Variants in STK33 observed in about 807,000 individuals in gnomAD.
STK33 encodes the protein serine/threonine-protein kinase 33.
STK33 carries 52 observed loss-of-function variants against 58.0 expected under a neutral mutation model. The observed-to-expected ratio is 0.90, with a 90% CI of 0.72 to 1.13. The LOEUF (loss-of-function observed/expected upper bound fraction) is 1.13, where lower values mean the gene tolerates loss of function less well. STK33 is among the 50% of genes most tolerant of loss of function. The pLI is 0.00. For missense variants in STK33, 630 were observed against 604.2 expected, an observed-to-expected ratio of 1.04 and a Z score of -0.45; for synonymous variants, 215 against 200.1, an observed-to-expected ratio of 1.07 and a Z score of -0.63.
chr11:8,384,615 A>G, the STK33 span, among the ~76,000 whole-genome samples: 11 of 152,200 alleles, frequency 7.2e-5, no homozygotes, highest in Admixed American at 5.9e-4. Context: ...AGAAATAGTG[A>G]AAGTATTAAA....
chr11:8,369,015 G>T, the STK33 span, among the ~76,000 whole-genome samples: 1 of 152,182 alleles, frequency 6.6e-6, no homozygotes, highest in Admixed American at 6.5e-5. Context: ...AGGGGACAGA[G>T]AGAGCTACTG....
intron 1 of STK33, among the ~76,000 whole-genome samples, chr11:8,542,433 G>C (rs140402536): frequency 1.3e-5 from 2 of 152,332 alleles, no homozygotes; most frequent in East Asian, 3.9e-4. Context: ...CTCAACGGAA[G>C]TGATTTTGCC....
chr11:8,342,139 C>A, the STK33 span, among the ~76,000 whole-genome samples: 12,648 of 152,202 alleles, frequency 0.083, 624 homozygotes, highest in African/African-American at 0.13. Flanking sequence ...GGACACCTTG[C>A]AGGTGGGGAG....
intron 1 of STK33, among the ~76,000 whole-genome samples, chr11:8,498,487 C>A (rs1356341580): frequency 6.6e-6 from 1 of 152,100 alleles, no homozygotes; most frequent in Non-Finnish European, 1.5e-5. Flanking sequence ...TAGGAAGAAT[C>A]AATATCATGA....
At chr11:8,343,584 C>T in the STK33 span, among the ~76,000 whole-genome samples, 1 of 152,166 alleles carries the variant, frequency 6.6e-6, no homozygotes, top group Non-Finnish European at 1.5e-5. Context: ...ACTGGGTGCC[C>T]GCAAGGCACT....
intron 1 of STK33, among the ~76,000 whole-genome samples, chr11:8,588,043 A>G (rs2031995926): frequency 1.3e-5 from 2 of 152,204 alleles, no homozygotes; most frequent in Admixed American, 1.3e-4. Context: ...CCTAGTTTGC[A>G]GATGGCCATC....
At chr11:8,565,972 C>G (rs1957420826) in intron 1 of STK33, 1 of 152,212 alleles carries the variant, frequency 6.6e-6, no homozygotes, top group African/African-American at 2.4e-5. Context: ...TGTGACAAAT[C>G]TGAAGTCAAG....
intron 14 of STK33, among the ~76,000 whole-genome samples, chr11:8,422,490 T>C (rs1309641484): frequency 6.6e-6 from 1 of 152,050 alleles, no homozygotes; most frequent in Non-Finnish European, 1.5e-5. Flanking sequence ...ATTAGGAAAA[T>C]TTTTCTCTTT....
At chr11:8,582,480 A>G (rs1293669679) in intron 1 of STK33, among the ~76,000 whole-genome samples, 1 of 152,192 alleles carries the variant, frequency 6.6e-6, no homozygotes, top group Non-Finnish European at 1.5e-5. Context: ...GGAAGCAGAC[A>G]CTTTCTTCAC....
At position 8,521,791 on chromosome 11, in the gene STK33, AC is replaced by A. The variant is rs532203694; in HGVS notation, c.-465-41178del. Among the ~76,000 whole-genome samples the A allele has an allele frequency of 3.0e-3, 455 of 152,328 alleles. 1 individual carries two copies. The Middle Eastern group carries it at 0.031, about 10-fold the overall frequency. On this transcript the variant is annotated intron_variant, in intron 1 of 15. Transcript: ENST00000687296. ...ACAAATTTACAAGAAAAAAAATCAAACAACCCCATCAAAAAGTGGGTGAAGG... is the reference window on the plus strand; with the variant it reads ...ACAAATTTACAAGAAAAAAAATCAAAAACCCCATCAAAAAGTGGGTGAAGG...
chr11:8,457,606 A>T, intron 8 of STK33, 127 bp from the exon 9 acceptor site: 1 of 813,620 alleles, frequency 1.2e-6, no homozygotes, highest in East Asian at 2.7e-5. Flanking sequence ...ATTATCTATT[A>T]TGTACAAGAT....
At chr11:8,344,198 A>ACACACACACAC in the STK33 span, among the ~76,000 whole-genome samples, 1 of 137,118 alleles carries the variant, frequency 7.3e-6, no homozygotes, top group African/African-American at 2.8e-5. Context: ...AAACAAACAA[A>ACACACACACAC]ACACACACAC....
chr11:8,515,593 T>C (rs755628303), intron 1 of STK33, among the ~76,000 whole-genome samples: 10 of 152,066 alleles, frequency 6.6e-5, no homozygotes, highest in Non-Finnish European at 1.3e-4. Context: ...AACAAAACAC[T>C]AGCAAACTGA....
intron 15 of STK33, among the ~76,000 whole-genome samples, chr11:8,405,521 G>GCTT: frequency 6.6e-6 from 1 of 151,748 alleles, no homozygotes; most frequent in Non-Finnish European, 1.5e-5. Flanking sequence ...CCCTGTCTGT[G>GCTT]GCTTATTTTT....
rs1848642587 is a variant in STK33, at chr11:8,391,907, A to G, written c.*603T>C. On this transcript the variant is annotated 3_prime_UTR_variant, in exon 16 of 16. Coordinates refer to ENST00000687296, the MANE Select transcript of STK33 (RefSeq NM_001352389.2). ...TCTGTTTTTTATTGATTTAATCAAT[A>G]CATTGGGAATTTAGCAGCAAGTTAA... is the stretch of plus-strand genomic sequence containing the variant. 1 of 153,792 alleles carries G rather than the reference A, an allele frequency of 6.5e-6. No individual in the cohort carries two copies. The highest frequency in any genetic ancestry group is 3.4e-3 in the Middle Eastern group (1 of 294). 9.5% of individuals were successfully genotyped at this position (153,792 alleles called of 1,614,324 possible). A position where few individuals can be genotyped will look rare whatever the true frequency, so the allele number is the denominator to read the frequency against.
chr11:8,585,475 T>G (rs1490619021), intron 1 of STK33, among the ~76,000 whole-genome samples: 3 of 150,286 alleles, frequency 2.0e-5, no homozygotes, highest in East Asian at 4.0e-4. Flanking sequence ...TCCACCCGCC[T>G]CAGCCTCCCA....
At chr11:8,427,896 TTC>T (rs1942963176) in intron 14 of STK33, among the ~76,000 whole-genome samples, 1 of 152,390 alleles carries the variant, frequency 6.6e-6, no homozygotes, top group East Asian at 1.9e-4. Flanking sequence ...CTAAACTCTC[TTC>T]TAATGGTGTT....
At chr11:8,555,997 G>C (rs1179907486) in intron 1 of STK33, among the ~76,000 whole-genome samples, 1 of 152,188 alleles carries the variant, frequency 6.6e-6, no homozygotes. Flanking sequence ...AAATGGGCCT[G>C]GATTTGGGCA....
At chr11:8,524,227 C>A (rs1251683248) in intron 1 of STK33, among the ~76,000 whole-genome samples, 4 of 152,178 alleles carry the variant, frequency 2.6e-5, no homozygotes, top group African/African-American at 9.7e-5. Context: ...CCCTTATTCA[C>A]ATGTTTATCT....
Sources: allele counts gnomAD v4.1 joint callset (sites outside exome capture counted in the v4.1 genomes callset), GRCh38; gene constraint gnomAD v4.1.1; transcripts MANE v1.5; gene names NCBI Gene and HGNC (gene_info 2026-07-23, HGNC 2026-07-21).